Variants in SLC24A2 observed in about 807,000 individuals in gnomAD.
The protein encoded by SLC24A2 is solute carrier family 24 member 2.
A neutral mutation model predicts 62.0 loss-of-function variants in SLC24A2; 36 were observed. The ratio of observed to expected loss-of-function variants is 0.58; its 90% CI spans 0.44 to 0.77. The LOEUF (loss-of-function observed/expected upper bound fraction) is 0.77, where lower values mean the gene tolerates loss of function less well. Ranked by LOEUF, SLC24A2 falls within the 30% of genes least tolerant of loss-of-function variation. The probability of loss-of-function intolerance (pLI) is 0.00; values close to 1 mark genes in which losing one functional copy is unlikely to be tolerated. For missense variants in SLC24A2, 846 were observed against 817.9 expected (o/e 1.03, Z -0.42); for synonymous variants, 358 against 294.0 (o/e 1.22, Z -2.23).
At chr9:19,766,249 T>G (rs1424029650) in intron 2 of SLC24A2, among the ~76,000 whole-genome samples, 1 of 152,216 alleles carries the variant, frequency 6.6e-6, no homozygotes, top group Non-Finnish European at 1.5e-5. Flanking sequence ...AATATGTTCC[T>G]TTAGCCTGGA....
At chr9:20,263,852 A>AC in the SLC24A2 span, among the ~76,000 whole-genome samples, 2 of 27,172 alleles carry the variant, frequency 7.4e-5, no homozygotes, top group African/African-American at 3.3e-4. Context: ...CCTCCTGGAT[A>AC]TCCCACCCGC....
chr9:20,110,129 C>T, the SLC24A2 span, among the ~76,000 whole-genome samples: 26 of 152,148 alleles, frequency 1.7e-4, no homozygotes, highest in African/African-American at 5.8e-4. Context: ...AGAACCTGAG[C>T]CCACAGCGGA....
the SLC24A2 span, among the ~76,000 whole-genome samples, chr9:20,041,161 CGTGCGCACGT>C: frequency 8.2e-3 from 1,251 of 151,892 alleles, 10 homozygotes; most frequent in Non-Finnish European, 0.011. Context: ...CGCGTGCGCG[CGTGCGCACGT>C]GTGCGCGCAG....
the SLC24A2 span, among the ~76,000 whole-genome samples, chr9:20,277,610 G>A: frequency 1.3e-5 from 2 of 152,180 alleles, no homozygotes; most frequent in Non-Finnish European, 2.9e-5. Context: ...AGGATGTGGA[G>A]AAATAGGAAC....
the SLC24A2 span, among the ~76,000 whole-genome samples, chr9:19,844,227 G>A: frequency 6.6e-6 from 1 of 152,172 alleles, no homozygotes; most frequent in African/African-American, 2.4e-5. Flanking sequence ...TCTGATTGGA[G>A]TGAGATGGTA....
the SLC24A2 span, among the ~76,000 whole-genome samples, chr9:20,024,221 G>A: frequency 6.6e-6 from 1 of 152,322 alleles, no homozygotes; most frequent in East Asian, 1.9e-4. Flanking sequence ...ACGGAACTGT[G>A]CCGTCTGGAT....
At chr9:20,279,260 G>C in the SLC24A2 span, among the ~76,000 whole-genome samples, 4 of 152,246 alleles carry the variant, frequency 2.6e-5, no homozygotes, top group African/African-American at 9.6e-5. Context: ...GCCAGACATG[G>C]TGGCTCATGC....
chr9:20,097,303 T>C, the SLC24A2 span, among the ~76,000 whole-genome samples: 1 of 152,208 alleles, frequency 6.6e-6, no homozygotes, highest in African/African-American at 2.4e-5. Context: ...AGGTGAATTC[T>C]GAGTAACTTG....
At chr9:20,159,036 G>A in the SLC24A2 span, among the ~76,000 whole-genome samples, 2 of 151,412 alleles carry the variant, frequency 1.3e-5, no homozygotes, top group Admixed American at 6.6e-5. Flanking sequence ...ACTTACATTC[G>A]AGTTCTCAAT....
At chr9:19,996,934 G>A in the SLC24A2 span, among the ~76,000 whole-genome samples, 1,401 of 151,890 alleles carry the variant, frequency 9.2e-3, 27 homozygotes, top group African/African-American at 0.033. Flanking sequence ...TTTAGAAAGC[G>A]CTCAGTGGTA....
chr9:19,946,457 A>T, the SLC24A2 span, among the ~76,000 whole-genome samples: 1 of 152,210 alleles, frequency 6.6e-6, no homozygotes, highest in Non-Finnish European at 1.5e-5. Flanking sequence ...GCAAGGAGAG[A>T]TCTCTGATCT....
At chr9:20,185,182 G>C in the SLC24A2 span, among the ~76,000 whole-genome samples, 26 of 152,156 alleles carry the variant, frequency 1.7e-4, 2 homozygotes, top group South Asian at 5.4e-3. Flanking sequence ...GCAACATGAT[G>C]ACTATACTTA....
the SLC24A2 span, among the ~76,000 whole-genome samples, chr9:20,071,880 C>T: frequency 6.6e-6 from 1 of 152,010 alleles, no homozygotes; most frequent in Non-Finnish European, 1.5e-5. Context: ...TGGAGCGGCT[C>T]ACAGAACTCA....
chr9:19,629,385 G>C (rs1818120240), intron 2 of SLC24A2, among the ~76,000 whole-genome samples: 1 of 152,200 alleles, frequency 6.6e-6, no homozygotes, highest in South Asian at 2.1e-4. Flanking sequence ...AGTGATTGTT[G>C]TGAATTTAGA....
At chr9:20,272,895 T>C in the SLC24A2 span, among the ~76,000 whole-genome samples, 1 of 152,106 alleles carries the variant, frequency 6.6e-6, no homozygotes. Context: ...AGTGGTGATA[T>C]CCTTAGGTGT....
At chr9:19,607,368 C>T (rs1837013467) in intron 4 of SLC24A2, among the ~76,000 whole-genome samples, 2 of 152,038 alleles carry the variant, frequency 1.3e-5, no homozygotes, top group African/African-American at 4.8e-5. Context: ...TTTATGGATA[C>T]TTCATTGTCC....
chr9:20,068,848 T>C, the SLC24A2 span, among the ~76,000 whole-genome samples: 1 of 152,182 alleles, frequency 6.6e-6, no homozygotes, highest in Non-Finnish European at 1.5e-5. Context: ...CATCTTCTCA[T>C]GGCCCTACTC....
At chr9:20,307,217 C>G in the SLC24A2 span, among the ~76,000 whole-genome samples, 1 of 152,146 alleles carries the variant, frequency 6.6e-6, no homozygotes, top group Admixed American at 6.5e-5. Flanking sequence ...TAAATTCTAG[C>G]TAGTTACAGC....
intron 9 of SLC24A2, 67 bp from the exon 10 acceptor site, chr9:19,521,127 T>A (rs1833177478): frequency 6.9e-7 from 1 of 1,448,056 alleles, no homozygotes; most frequent in East Asian, 2.3e-5. Context: ...ATCACAAAAA[T>A]TTCAATGCGA....
Sources: allele counts gnomAD v4.1 joint callset (sites outside exome capture counted in the v4.1 genomes callset), GRCh38; gene constraint gnomAD v4.1.1; transcripts MANE v1.5; gene names NCBI Gene and HGNC (gene_info 2026-07-23, HGNC 2026-07-21).